CIB4: variants seen among roughly 807,000 people sequenced by gnomAD.
CIB4 encodes calcium and integrin binding family member 4, also known as calcium and integrin-binding family member 4.
CIB4 carries 25 observed loss-of-function variants against 25.8 expected under a neutral mutation model. That is an observed-to-expected ratio of 0.97 (90% confidence interval 0.71 to 1.35). The LOEUF is 1.35. Ranked by LOEUF, CIB4 falls within the 40% of genes most tolerant of loss-of-function variation. The pLI, the probability that CIB4 is intolerant of heterozygous loss-of-function variation, is 0.00. For missense variants in CIB4, 235 were observed against 228.2 expected (o/e 1.03, Z -0.19); for synonymous variants, 75 against 81.4 (o/e 0.92, Z 0.42).
chr2:26,597,597 C>T (rs1148964), intron 3 of CIB4, among the ~76,000 whole-genome samples: 146,430 of 152,262 alleles, frequency 0.96, 70,664 homozygotes, highest in East Asian at 1. Context: ...TTACTATATC[C>T]ATTAAAGGGA....
intron 3 of CIB4, among the ~76,000 whole-genome samples, chr2:26,599,820 A>T (rs2148201077): frequency 6.6e-6 from 1 of 152,252 alleles, no homozygotes; most frequent in African/African-American, 2.4e-5. Context: ...CACACCTGTA[A>T]TCCGAGCACT....
At chr2:26,582,310 C>T (rs1046121065) in intron 6 of CIB4, among the ~76,000 whole-genome samples, 2 of 152,218 alleles carry the variant, frequency 1.3e-5, no homozygotes, top group Non-Finnish European at 2.9e-5. Flanking sequence ...AAAAAGACTT[C>T]AACGTGGCCA....
At chr2:26,637,389 C>T (rs1201735073) in intron 2 of CIB4, among the ~76,000 whole-genome samples, 2 of 151,992 alleles carry the variant, frequency 1.3e-5, no homozygotes, top group Non-Finnish European at 2.9e-5. Context: ...CTCTCATCTG[C>T]TGTCATTGCT....
At chr2:26,583,974 GA>G (rs1188258082) in intron 4 of CIB4, 76 bp from the exon 5 acceptor site, 2 of 924,582 alleles carry the variant, frequency 2.2e-6, no homozygotes, top group Non-Finnish European at 3.5e-6. Flanking sequence ...AGTCCTGGGG[GA>G]CACAGCACCA....
chr2:26,615,234 G>T (rs565075004), intron 3 of CIB4, among the ~76,000 whole-genome samples: 1 of 152,268 alleles, frequency 6.6e-6, no homozygotes, highest in Admixed American at 6.5e-5. Flanking sequence ...TCAAATCCTG[G>T]ACAAATGAAA....
intron 5 of CIB4, 107 bp downstream of exon 5, chr2:26,583,682 G>T (rs1482817294): frequency 2.3e-5 from 17 of 746,848 alleles, no homozygotes; most frequent in South Asian, 2.0e-4. Context: ...CCTCAGGCTG[G>T]CCCTGGGTCT....
At chr2:26,603,931 A>C (rs1425374987) in intron 3 of CIB4, among the ~76,000 whole-genome samples, 1 of 151,300 alleles carries the variant, frequency 6.6e-6, no homozygotes, top group Admixed American at 6.6e-5. Flanking sequence ...TGAGCCCAGG[A>C]GGCAGAGATT....
intron 3 of CIB4, among the ~76,000 whole-genome samples, chr2:26,620,775 C>G (rs188481297): frequency 6.6e-6 from 1 of 152,100 alleles, no homozygotes. Flanking sequence ...AGGCTTCTGA[C>G]GCGCAAGCCA....
intron 3 of CIB4, among the ~76,000 whole-genome samples, chr2:26,601,851 T>G (rs1392999703): frequency 6.6e-6 from 1 of 152,220 alleles, no homozygotes; most frequent in African/African-American, 2.4e-5. Context: ...ACAACGTGGA[T>G]GATTCTTCAA....
chr2:26,612,094 C>A (rs993921557), intron 3 of CIB4, among the ~76,000 whole-genome samples: 3 of 145,780 alleles, frequency 2.1e-5, no homozygotes, highest in Non-Finnish European at 4.5e-5. Flanking sequence ...GCAAGCAAAA[C>A]AACTTTCCTT....
At chr2:26,616,834 A>G (rs956988292) in intron 3 of CIB4, among the ~76,000 whole-genome samples, 1 of 152,268 alleles carries the variant, frequency 6.6e-6, no homozygotes, top group Admixed American at 6.5e-5. Context: ...TTTGACTTTT[A>G]TCTTCCCGAG....
At chr2:26,607,797 G>A (rs11685352) in intron 3 of CIB4, among the ~76,000 whole-genome samples, 32,563 of 152,178 alleles carry the variant, frequency 0.21, 3,768 homozygotes, top group Admixed American at 0.31. Context: ...CTGGGCCAGC[G>A]TGTGTCCAGG....
intron 2 of CIB4, among the ~76,000 whole-genome samples, chr2:26,636,914 C>A (rs554406952): frequency 1.7e-4 from 26 of 152,264 alleles, no homozygotes; most frequent in African/African-American, 6.0e-4. Flanking sequence ...ATCATCTCTG[C>A]CAGTCTGAAA....
chr2:26,633,775 A>G (rs1352618145), intron 2 of CIB4, among the ~76,000 whole-genome samples: 1 of 152,110 alleles, frequency 6.6e-6, no homozygotes, highest in Admixed American at 6.5e-5. Context: ...TCCCTTCCAC[A>G]CAGCCCAGAG....
At chr2:26,610,238 CA>C (rs35953877) in intron 3 of CIB4, among the ~76,000 whole-genome samples, 68,635 of 152,070 alleles carry the variant, frequency 0.45, 16,819 homozygotes, top group Non-Finnish European at 0.55. Context: ...ATCTTTGCAT[CA>C]AGATAACAGT....
intron 3 of CIB4, among the ~76,000 whole-genome samples, chr2:26,602,435 G>A (rs1263277622): frequency 6.6e-6 from 1 of 152,036 alleles, no homozygotes; most frequent in East Asian, 1.9e-4. Context: ...TACAAAGAGT[G>A]AACAAATACA....
At chr2:26,632,268 G>A (rs570723888) in intron 2 of CIB4, among the ~76,000 whole-genome samples, 7 of 152,284 alleles carry the variant, frequency 4.6e-5, no homozygotes, top group Admixed American at 2.6e-4. Context: ...CATGACTGCC[G>A]CCTTGGCCAC....
chr2:26,596,269 G>A (rs1358830113), intron 3 of CIB4, among the ~76,000 whole-genome samples: 1 of 152,154 alleles, frequency 6.6e-6, no homozygotes, highest in Non-Finnish European at 1.5e-5. Flanking sequence ...ACTCATCGAG[G>A]GGGGTGGCTG....
intron 3 of CIB4, chr2:26,623,427 T>C (rs1191824527): frequency 2.8e-5 from 12 of 434,984 alleles, no homozygotes; most frequent in Non-Finnish European, 4.8e-5. Flanking sequence ...TAGGATTTCT[T>C]GAAAGGCTGA....
Sources: allele counts gnomAD v4.1 joint callset (sites outside exome capture counted in the v4.1 genomes callset), GRCh38; gene constraint gnomAD v4.1.1; transcripts MANE v1.5; gene names NCBI Gene and HGNC (gene_info 2026-07-23, HGNC 2026-07-21).